TMEM120B: variants seen among roughly 807,000 people sequenced by gnomAD.
The protein encoded by TMEM120B is transmembrane protein 120B.
Under a neutral mutation model 55.5 loss-of-function variants are expected in TMEM120B, and 31 were observed. The ratio of observed to expected loss-of-function variants is 0.56; its 90% CI spans 0.42 to 0.75. The LOEUF (loss-of-function observed/expected upper bound fraction) is 0.75. TMEM120B is among the 30% of genes least tolerant of loss of function. TMEM120B has a pLI of 0.00. For synonymous variants in TMEM120B, 203 were observed against 176.3 expected (o/e 1.15, Z -1.20); for missense variants, 399 against 425.5 (o/e 0.94, Z 0.55).
intron 8 of TMEM120B, among the ~76,000 whole-genome samples, chr12:121,772,820 GC>G (rs1178281524): frequency 6.6e-6 from 1 of 152,168 alleles, no homozygotes; most frequent in Non-Finnish European, 1.5e-5. Context: ...TTGTATATCA[GC>G]CCACCCTAGA....
Position 121,779,699 on chromosome 12 carries a change from C to A in TMEM120B, c.*3977C>A, listed in dbSNP as rs757075007. ...GAGGAGCCAGCATTAGGTGAGGGGC[C>A]CCTGGAGGTCTCCTAGCACCACCTG... On this transcript the variant is annotated 3_prime_UTR_variant, in exon 12 of 12. Transcript: ENST00000449592. 11 of 1,609,838 alleles carry A rather than the reference C, an allele frequency of 6.8e-6. No homozygotes were observed. The highest frequency in any genetic ancestry group is 9.3e-6 in the Non-Finnish European group (11 of 1,177,912).
chr12:121,759,754 T>C (rs1336912739), intron 5 of TMEM120B, among the ~76,000 whole-genome samples: 1 of 151,944 alleles, frequency 6.6e-6, no homozygotes, highest in Non-Finnish European at 1.5e-5. Flanking sequence ...CCAGCACTTT[T>C]GGGAGGCTGA....
intron 6 of TMEM120B, among the ~76,000 whole-genome samples, chr12:121,770,045 G>A (rs1417572689): frequency 1.3e-5 from 2 of 152,172 alleles, no homozygotes; most frequent in Non-Finnish European, 2.9e-5. Flanking sequence ...GCACGTCAAG[G>A]TCTTGGAGCA....
Position 121,780,665 on chromosome 12 carries a change from C to T in TMEM120B, c.*4943C>T, listed in dbSNP as rs544140387. 9 of 617,896 alleles carry T rather than the reference C, an allele frequency of 1.5e-5. No homozygotes were observed. The highest frequency in any genetic ancestry group is 2.8e-5 in the East Asian group (1 of 35,104). 38.3% of individuals were successfully genotyped at this position (617,896 alleles called of 1,614,324 possible). ...CCTGTAAACTGGGGGATGTGAACAG[C>T]GCCTGCCTCCGAGTCCTAAGGATTG... On this transcript the variant is annotated 3_prime_UTR_variant, in exon 12 of 12. Coordinates refer to ENST00000449592, the MANE Select transcript of TMEM120B (RefSeq NM_001080825.2).
At chr12:121,736,165 T>TTTTATTTA (rs35399975) in intron 1 of TMEM120B, among the ~76,000 whole-genome samples, 33 of 149,768 alleles carry the variant, frequency 2.2e-4, no homozygotes, top group Middle Eastern at 3.4e-3. Context: ...CTGTTGCACA[T>TTTTATTTA]TTTATTTATT....
intron 1 of TMEM120B, among the ~76,000 whole-genome samples, chr12:121,733,877 TTGAG>T (rs1895051936): frequency 6.6e-6 from 1 of 151,606 alleles, no homozygotes; most frequent in Non-Finnish European, 1.5e-5. Context: ...AGACATATTA[TTGAG>T]TGAGAAAAGC....
chr12:121,740,136 C>T (rs555558615), intron 1 of TMEM120B, among the ~76,000 whole-genome samples: 2 of 152,244 alleles, frequency 1.3e-5, no homozygotes, highest in South Asian at 4.1e-4. Context: ...ATAACAGATA[C>T]AGTTGATTAA....
intron 1 of TMEM120B, among the ~76,000 whole-genome samples, chr12:121,735,720 T>C (rs1895096849): frequency 7.1e-6 from 1 of 141,696 alleles, no homozygotes; most frequent in Non-Finnish European, 1.5e-5. Flanking sequence ...AGACCAAGTC[T>C]CACTCTGTCG....
At chr12:121,723,931 G>T (rs1021724565) in intron 1 of TMEM120B, among the ~76,000 whole-genome samples, 5 of 151,662 alleles carry the variant, frequency 3.3e-5, no homozygotes, top group African/African-American at 1.2e-4. Context: ...CTCGCAAGTA[G>T]CTGTGACTAC....
rs760875721 is a variant in TMEM120B, at chr12:121,775,731, CT to C, written c.*10del. 6.2e-7 allele frequency: 1 copy of C among 1,613,522 alleles called. No homozygotes were observed. The highest frequency in any genetic ancestry group is 8.5e-7 in the Non-Finnish European group (1 of 1,179,948). On this transcript the variant is annotated 3_prime_UTR_variant, in exon 12 of 12. Transcript: ENST00000449592. This position sits in a 1 kb window ranked among gnomAD's most constrained non-coding sequence, Gnocchi z 4.3. ...AGACAAAGCAGCCGTGAGCCTCGGGCTCCTGTGCCCTCGGCCCGGACTTCAG... is the reference window on the plus strand; with the variant it reads ...AGACAAAGCAGCCGTGAGCCTCGGGCCCTGTGCCCTCGGCCCGGACTTCAG...
chr12:121,735,941 C>T (rs1455180740), intron 1 of TMEM120B, among the ~76,000 whole-genome samples: 3 of 152,046 alleles, frequency 2.0e-5, no homozygotes, highest in Non-Finnish European at 4.4e-5. Flanking sequence ...CCACCCGCAT[C>T]GGCCTCCCAA....
At chr12:121,742,896 T>C (rs1872975708) in intron 1 of TMEM120B, among the ~76,000 whole-genome samples, 1 of 152,232 alleles carries the variant, frequency 6.6e-6, no homozygotes, top group South Asian at 2.1e-4. Flanking sequence ...TTTAATGTCA[T>C]GGTCTTCATC....
chr12:121,780,003 C>G lies in TMEM120B; in HGVS notation c.*4281C>G. 4.1e-6 allele frequency: 1 copy of G among 243,352 alleles called. No individual in the cohort carries two copies. The highest frequency in any genetic ancestry group is 8.1e-6 in the Non-Finnish European group (1 of 124,012). 15.1% of individuals were successfully genotyped at this position (243,352 alleles called of 1,614,324 possible). On this transcript the variant is annotated 3_prime_UTR_variant, in exon 12 of 12. Transcript: ENST00000449592. Reference sequence around the variant, plus strand: ...GGAGGCCTCAAGACAGAAAGGACTTCCAGCCACCTCTCTCCCTTCTCTGAA... The same window carrying G: ...GGAGGCCTCAAGACAGAAAGGACTTGCAGCCACCTCTCTCCCTTCTCTGAA...
chr12:121,717,736 C>T (rs1592921211), intron 1 of TMEM120B, among the ~76,000 whole-genome samples: 1 of 152,238 alleles, frequency 6.6e-6, no homozygotes, highest in African/African-American at 2.4e-5. Flanking sequence ...CAGCTCACCA[C>T]AACCTCCGCC....
At chr12:121,747,269 G>GCA (rs112557294) in intron 2 of TMEM120B, among the ~76,000 whole-genome samples, 1,311 of 125,556 alleles carry the variant, frequency 0.01, 18 homozygotes, top group African/African-American at 0.026. Context: ...AAGGTGGGAG[G>GCA]CTGGGGTAGA....
chr12:121,731,610 A>G (rs959409907), intron 1 of TMEM120B, among the ~76,000 whole-genome samples: 3 of 152,204 alleles, frequency 2.0e-5, no homozygotes, highest in African/African-American at 7.2e-5. Context: ...CCCAGGAGCA[A>G]TAGTCTATAC....
At chr12:121,760,803 C>G (rs531842472) in intron 5 of TMEM120B, among the ~76,000 whole-genome samples, 17 of 152,190 alleles carry the variant, frequency 1.1e-4, no homozygotes, top group Admixed American at 1.0e-3. Context: ...TTGGAGGGGG[C>G]CCTGTTTATA....
At chr12:121,719,920 G>A (rs1169957954) in intron 1 of TMEM120B, among the ~76,000 whole-genome samples, 2 of 152,064 alleles carry the variant, frequency 1.3e-5, no homozygotes, top group Non-Finnish European at 2.9e-5. Context: ...AGCTGGTCTC[G>A]AACTCCTGAC....
Position 121,752,121 on chromosome 12 carries a change from G to C in TMEM120B, c.366-7G>C, listed in dbSNP as rs375975846. ...GGGCACACCCCTGGGCGTGTCTGTC[G>C]TGGCAGGTTCGCCTACAAGGACGAA... is the stretch of plus-strand genomic sequence containing the variant. On this transcript the variant is annotated splice_region_variant and splice_polypyrimidine_tract_variant and intron_variant, in intron 4 of 11. Transcript: ENST00000449592. 10 of 1,612,724 alleles carry C rather than the reference G, an allele frequency of 6.2e-6. No individual in the cohort carries two copies. The highest frequency in any genetic ancestry group is 3.3e-4 in the Middle Eastern group (2 of 6,052).
Sources: gnomAD v4.1 joint callset for allele counts (sites outside exome capture counted in the v4.1 genomes callset) on GRCh38, gnomAD v4.1.1 for gene constraint, Gnocchi (gnomAD v3.1) non-coding constraint, MANE v1.5 for transcripts, NCBI Gene and HGNC (gene_info 2026-07-23, HGNC 2026-07-21) for gene names.